Variants in DUS4L observed in about 807,000 individuals in gnomAD.
DUS4L encodes the protein tRNA-dihydrouridine(20a/20b) synthase [NAD(P)+]-like.
A neutral mutation model predicts 33.8 loss-of-function variants in DUS4L; 31 were observed. That is an observed-to-expected ratio of 0.92 (90% confidence interval 0.69 to 1.24). DUS4L has a LOEUF of 1.24. Ranked by LOEUF, DUS4L falls within the 50% of genes most tolerant of loss-of-function variation. DUS4L has a pLI of 0.00. For synonymous variants in DUS4L, 103 were observed against 120.3 expected (o/e 0.86, Z 0.94); for missense variants, 368 against 388.6 (o/e 0.95, Z 0.45).
chr7:107,571,047 C>T, intron 3 of DUS4L, 98 bp from the exon 4 acceptor site: 1 of 1,494,894 alleles, frequency 6.7e-7, no homozygotes, highest in African/African-American at 1.4e-5. Flanking sequence ...TCCTCCATCT[C>T]CCCATAGGTA....
chr7:107,575,076 T>C (rs1270727290), intron 5 of DUS4L, 112 bp from the exon 6 acceptor site: 10 of 1,410,006 alleles, frequency 7.1e-6, no homozygotes, highest in Non-Finnish European at 9.9e-6. Context: ...TATATCTGCT[T>C]CTCTTCCAGA....
rs1352670560 is a variant in DUS4L, at chr7:107,577,651, A to C, written c.*91A>C. 2.9e-6 allele frequency: 4 copies of C among 1,371,764 alleles called. No homozygotes were observed. Among genetic ancestry groups the C allele is most frequent in the East Asian group, 2.3e-5 (1 of 42,764 alleles). 85.0% of individuals were successfully genotyped at this position (1,371,764 alleles called of 1,614,324 possible). ...TTTGTACCTTAAACCAGTAGCTCTCAAATTTTAGTATAAAAACAATTCCTG... is the reference window on the plus strand; with the variant it reads ...TTTGTACCTTAAACCAGTAGCTCTCCAATTTTAGTATAAAAACAATTCCTG... On this transcript the variant is annotated 3_prime_UTR_variant, in exon 8 of 8. Transcript: ENST00000265720.
At chr7:107,574,541 TTG>T (rs999371212) in intron 5 of DUS4L, among the ~76,000 whole-genome samples, 1 of 152,100 alleles carries the variant, frequency 6.6e-6, no homozygotes, top group Non-Finnish European at 1.5e-5. Flanking sequence ...TTTCTCTATG[TTG>T]GTCAGGCTGG....
At chr7:107,572,869 T>C (rs1332132730) in intron 4 of DUS4L, among the ~76,000 whole-genome samples, 1 of 151,894 alleles carries the variant, frequency 6.6e-6, no homozygotes, top group African/African-American at 2.4e-5. Flanking sequence ...TAAACATTTA[T>C]ATGTAAGAGC....
chr7:107,566,661 A>G (rs1229606950), intron 2 of DUS4L, among the ~76,000 whole-genome samples: 1 of 152,210 alleles, frequency 6.6e-6, no homozygotes, highest in Non-Finnish European at 1.5e-5. Context: ...ATAAAACAAG[A>G]TATTTCCAAA....
rs1480756507 is a variant in DUS4L, at chr7:107,564,027, C to T, written c.-293C>T. 1 of 1,538,108 alleles carries T rather than the reference C, an allele frequency of 6.5e-7. No individual in the cohort carries two copies. The highest frequency in any genetic ancestry group is 1.4e-5 in the African/African-American group (1 of 73,070). ...ACCTGGCGAACTGACTCTCAGCCCG[C>T]GCCTGGGCTAAGCCTGGCTAGGAGC... On this transcript the variant is annotated 5_prime_UTR_variant, in exon 1 of 8. Transcript: ENST00000265720.
rs562604045 is a variant in DUS4L at position 107,571,918 on chromosome 7, C to T, written c.238+652C>T. Among the ~76,000 whole-genome samples the T allele has an allele frequency of 1.6e-4, 24 of 152,264 alleles. No homozygotes were observed. The South Asian group carries it at 5.0e-3, about 32-fold the overall frequency. On this transcript the variant is annotated intron_variant, in intron 4 of 7. Transcript: ENST00000265720. ...CAAAATTCCTAAGTTATTTTAAGTC[C>T]TTGAACATACACTGTCTTCTCACAC...
At chr7:107,564,920 AG>A (rs1264596126) in intron 2 of DUS4L, among the ~76,000 whole-genome samples, 1 of 152,228 alleles carries the variant, frequency 6.6e-6, no homozygotes, top group African/African-American at 2.4e-5. Flanking sequence ...TGTTTCAAAA[AG>A]GTGCTATTAC....
Position 107,577,404 on chromosome 7 carries a change from C to T in DUS4L, c.798C>T (p.Asp266=), listed in dbSNP as rs1195497970. 2.5e-6 allele frequency: 4 copies of T among 1,614,106 alleles called. No individual in the cohort carries two copies. Among genetic ancestry groups the T allele is most frequent in the Non-Finnish European group, 2.5e-6 (3 of 1,180,018 alleles). The change falls in exon 8 of 8, where the codon GAC becomes GAT. Residue 266 remains aspartate, a synonymous_variant. Transcript: ENST00000265720. The part of the protein sequence containing the change: ...TPLKCIWDWV[D]IALELGTPYM... Reference sequence around the variant, plus strand: ...TGAAATGCATCTGGGACTGGGTTGACATTGCTCTTGAACTCGGGACTCCTT... The same window carrying T: ...TGAAATGCATCTGGGACTGGGTTGATATTGCTCTTGAACTCGGGACTCCTT...
chr7:107,575,136 C>A, intron 5 of DUS4L, 52 bp from the exon 6 acceptor site: 1 of 1,602,172 alleles, frequency 6.2e-7, no homozygotes, highest in South Asian at 1.1e-5. Flanking sequence ...AGAATTTTGT[C>A]TTCTCTTCCA....
intron 4 of DUS4L, 51 bp from the exon 5 acceptor site, chr7:107,573,653 G>A (rs1432003912): frequency 6.4e-7 from 1 of 1,569,034 alleles, no homozygotes. Context: ...GTGTGTGTGT[G>A]CATGGGGTTT....
rs144101201 is a variant in DUS4L at position 107,572,923 on chromosome 7, C to T, written c.239-781C>T. Among the ~76,000 whole-genome samples the T allele has an allele frequency of 3.6e-3, 542 of 151,116 alleles. 2 individuals carry two copies. Among genetic ancestry groups the T allele is most frequent in the African/African-American group, 0.013 (521 of 41,172 alleles). Reference sequence around the variant, plus strand: ...AAAAAACTGAGGAGAATATTTATAACACATGATAGATAGCAATACTAATTT... The same window carrying T: ...AAAAAACTGAGGAGAATATTTATAATACATGATAGATAGCAATACTAATTT... On this transcript the variant is annotated intron_variant, in intron 4 of 7. Transcript: ENST00000265720.
chr7:107,576,217 T>C, intron 6 of DUS4L, 149 bp from the exon 7 acceptor site: 3 of 784,562 alleles, frequency 3.8e-6, no homozygotes, highest in South Asian at 1.9e-5. Context: ...AACTGCTCCC[T>C]GAAGAAAACC....
chr7:107,564,005 T>C lies in DUS4L; in HGVS notation c.-315T>C. On this transcript the variant is annotated 5_prime_UTR_variant, in exon 1 of 8. Coordinates refer to ENST00000265720, the MANE Select transcript of DUS4L (RefSeq NM_181581.3). Reference sequence around the variant, plus strand: ...CCCAGCCCATGGCTCCAGGCCCACCTGGCGAACTGACTCTCAGCCCGCGCC... The same window carrying C: ...CCCAGCCCATGGCTCCAGGCCCACCCGGCGAACTGACTCTCAGCCCGCGCC... 8.6e-7 allele frequency: 1 copy of C among 1,160,176 alleles called. No individual in the cohort carries two copies. Among genetic ancestry groups the C allele is most frequent in the South Asian group, 1.3e-5 (1 of 77,934 alleles). 71.9% of individuals were successfully genotyped at this position (1,160,176 alleles called of 1,614,324 possible). A position where few individuals can be genotyped will look rare whatever the true frequency, so the allele number is the denominator to read the frequency against.
intron 7 of DUS4L, 141 bp downstream of exon 7, chr7:107,576,733 T>C: frequency 1.3e-6 from 1 of 765,542 alleles, no homozygotes. Flanking sequence ...AAGCGATTTA[T>C]TAAAATGATG....
rs1805457890 is a variant in DUS4L, at chr7:107,573,590, T to G, written c.239-114T>G. The G allele has an allele frequency of 5.0e-6, 5 of 1,001,868 alleles. No homozygotes were observed. In the East Asian group the frequency reaches 1.4e-4, roughly 28 times the overall value. The allele number at this position is 1,001,868 out of a possible 1,614,324, so 62.1% of individuals were successfully genotyped here. ...GTTATATTATTTGGACAGATGCTTC[T>G]TAGGCTAAAAAATCGTTATTGCTAT... On this transcript the variant is annotated intron_variant, in intron 4 of 7. Coordinates refer to ENST00000265720, the MANE Select transcript of DUS4L (RefSeq NM_181581.3).
In DUS4L at chr7:107,567,065, G is replaced by C. The variant is rs1804777725; in HGVS notation, c.-6G>C. ...TCTTTTTCAGATTTGAAACATATCT[G>C]TATTAATGAAGAGTGACTGCATGCA... On this transcript the variant is annotated 5_prime_UTR_variant, in exon 3 of 8. Transcript: ENST00000265720. The C allele has an allele frequency of 6.2e-7, 1 of 1,607,320 alleles. No individual in the cohort carries two copies. Among genetic ancestry groups the C allele is most frequent in the Non-Finnish European group, 8.5e-7 (1 of 1,175,184 alleles).
chr7:107,565,875 A>T (rs1804628182), intron 2 of DUS4L, among the ~76,000 whole-genome samples: 1 of 152,190 alleles, frequency 6.6e-6, no homozygotes, highest in African/African-American at 2.4e-5. Flanking sequence ...TCTGTATGCC[A>T]TTTACTATGA....
chr7:107,564,306 G>A (rs1804336235), intron 1 of DUS4L, 97 bp downstream of exon 1: 2 of 431,850 alleles, frequency 4.6e-6, no homozygotes, highest in Admixed American at 7.4e-5. Context: ...GCAGAGCGGA[G>A]GTTTCAGGGA....
Sources: allele counts gnomAD v4.1 joint callset (sites outside exome capture counted in the v4.1 genomes callset), GRCh38; gene constraint gnomAD v4.1.1; transcripts MANE v1.5; gene names NCBI Gene and HGNC (gene_info 2026-07-23, HGNC 2026-07-21).